Variants in PARVB observed in about 807,000 individuals in gnomAD.
The protein encoded by PARVB is parvin beta.
In PARVB, 46 loss-of-function variants were observed where a neutral mutation model predicts 47.0. The ratio of observed to expected loss-of-function variants is 0.98; its 90% CI spans 0.77 to 1.25. The LOEUF (loss-of-function observed/expected upper bound fraction) is 1.25, where lower values mean the gene tolerates loss of function less well. Ranked by LOEUF, PARVB falls within the 50% of genes most tolerant of loss-of-function variation. The pLI, the probability that PARVB is intolerant of heterozygous loss-of-function variation, is 0.00. For synonymous variants in PARVB, 196 were observed against 196.3 expected, an observed-to-expected ratio of 1.00 and a Z score of 0.01; for missense variants, 473 against 471.6, an observed-to-expected ratio of 1.00 and a Z score of -0.03.
chr22:44,081,241 C>G (rs890705435), intron 1 of PARVB, among the ~76,000 whole-genome samples: 2 of 152,150 alleles, frequency 1.3e-5, no homozygotes, highest in Admixed American at 1.3e-4. Context: ...GCACCAGAGG[C>G]CAATGGCTTC....
intron 1 of PARVB, among the ~76,000 whole-genome samples, chr22:44,044,699 G>A (rs1249027949): frequency 6.6e-6 from 1 of 151,258 alleles, no homozygotes; most frequent in African/African-American, 2.4e-5. Flanking sequence ...TTGGCCAGGT[G>A]GGTCTCAAAC....
intron 3 of PARVB, among the ~76,000 whole-genome samples, chr22:44,102,563 C>T (rs149944191): frequency 6.2e-4 from 94 of 152,142 alleles, no homozygotes; most frequent in Middle Eastern, 3.4e-3. Context: ...AGGGGCTGGG[C>T]GCCATGGCTC....
At chr22:44,106,586 C>T (rs1206278974) in intron 3 of PARVB, 1 of 152,090 alleles carries the variant, frequency 6.6e-6, no homozygotes, top group Non-Finnish European at 1.5e-5. Flanking sequence ...TGCTTGTAGC[C>T]ACATTGCAGT....
intron 3 of PARVB, among the ~76,000 whole-genome samples, chr22:44,117,661 C>T (rs923250593): frequency 3.9e-5 from 6 of 152,148 alleles, no homozygotes; most frequent in Admixed American, 1.3e-4. Flanking sequence ...TTTTATGTTA[C>T]TGGGAAAATA....
At chr22:44,167,712 C>T (rs1380031022) in intron 12 of PARVB, among the ~76,000 whole-genome samples, 2 of 59,238 alleles carry the variant, frequency 3.4e-5, no homozygotes, top group Non-Finnish European at 8.1e-5. Context: ...TCCCCAAGCC[C>T]GCCGAGCCGA....
chr22:44,137,541 C>T (rs1469333476), intron 7 of PARVB, among the ~76,000 whole-genome samples: 1 of 152,206 alleles, frequency 6.6e-6, no homozygotes, highest in Non-Finnish European at 1.5e-5. Context: ...AAAACAACAT[C>T]TGTTTCATTT....
chr22:44,016,520 C>T (rs1049146141), intron 2 of PARVB, among the ~76,000 whole-genome samples: 1 of 152,174 alleles, frequency 6.6e-6, no homozygotes, highest in African/African-American at 2.4e-5. Context: ...GAGGCCACTT[C>T]AATAACACAT....
intron 3 of PARVB, among the ~76,000 whole-genome samples, chr22:44,117,789 A>G (rs2052943529): frequency 6.6e-6 from 1 of 151,476 alleles, no homozygotes. Flanking sequence ...GAGAGGGGCC[A>G]TAAACTCCCA....
Position 44,036,114 on chromosome 22 carries a change from A to G in PARVB, c.112+11663A>G, listed in dbSNP as rs1601508342. On this transcript the variant is annotated intron_variant, in intron 1 of 12. Coordinates refer to ENST00000338758, the MANE Select transcript of PARVB (RefSeq NM_013327.5). ...TCTACTAAAAAGATAAAAATTAACC[A>G]GGCGTGGTGGTGGGCACCTGTAATC... 4.6e-5 allele frequency among the ~76,000 whole-genome samples: 7 copies of G among 152,280 alleles called. 1 individual carries two copies. Among genetic ancestry groups the G allele is most frequent in the Admixed American group, 4.6e-4 (7 of 15,296 alleles).
intron 2 of PARVB, among the ~76,000 whole-genome samples, chr22:44,013,929 G>A (rs903099179): frequency 1.3e-5 from 2 of 152,288 alleles, no homozygotes; most frequent in African/African-American, 4.8e-5. Context: ...CACCATGCCT[G>A]GCTCGGTGTA....
At chr22:44,131,173 C>G (rs899977984) in intron 4 of PARVB, among the ~76,000 whole-genome samples, 1 of 150,526 alleles carries the variant, frequency 6.6e-6, no homozygotes, top group Non-Finnish European at 1.5e-5. Context: ...CAGGGTCTCA[C>G]TCAGGTTGCC....
chr22:44,165,277 T>C (rs2054142400), intron 12 of PARVB, among the ~76,000 whole-genome samples: 1 of 152,206 alleles, frequency 6.6e-6, no homozygotes, highest in African/African-American at 2.4e-5. Flanking sequence ...CCTGGCCTTG[T>C]TTATTTTTTA....
chr22:44,101,436 T>A lies in PARVB; in HGVS notation c.273+1313T>A, dbSNP rs533695109. Among the ~76,000 whole-genome samples the A allele has an allele frequency of 3.6e-3, 531 of 147,430 alleles. 1 individual carries two copies. The highest frequency in any genetic ancestry group is 0.012 in the African/African-American group (482 of 38,742). On this transcript the variant is annotated intron_variant, in intron 3 of 12. Coordinates refer to ENST00000338758, the MANE Select transcript of PARVB (RefSeq NM_013327.5). ...AAAAAATAAAAAATAAAAAATAAAA[T>A]ATAAAATAAAATAAAATAAAATCTA...
intron 1 of PARVB, among the ~76,000 whole-genome samples, chr22:44,066,835 C>CCTCCTCT (rs2051546297): frequency 7.0e-6 from 1 of 143,808 alleles, no homozygotes; most frequent in African/African-American, 2.6e-5. Flanking sequence ...CCTCCTCCAT[C>CCTCCTCT]TCCTCCTCTC....
At chr22:44,047,833 G>A (rs2146931848) in intron 1 of PARVB, among the ~76,000 whole-genome samples, 1 of 152,262 alleles carries the variant, frequency 6.6e-6, no homozygotes, top group South Asian at 2.1e-4. Context: ...TTTGACGTTG[G>A]TGTAATCTAC....
At chr22:44,083,736 G>T (rs550293069) in intron 1 of PARVB, among the ~76,000 whole-genome samples, 2 of 152,082 alleles carry the variant, frequency 1.3e-5, no homozygotes, top group South Asian at 4.2e-4. Context: ...GAGAGGAGGG[G>T]TCTGCTCATT....
chr22:44,074,117 G>A (rs1440741698), intron 1 of PARVB, among the ~76,000 whole-genome samples: 1 of 152,220 alleles, frequency 6.6e-6, no homozygotes, highest in African/African-American at 2.4e-5. Context: ...GCAGGAGCCA[G>A]GGGTGTGTGA....
intron 1 of PARVB, among the ~76,000 whole-genome samples, chr22:44,043,560 G>A (rs1028369413): frequency 9.2e-5 from 14 of 152,090 alleles, no homozygotes; most frequent in East Asian, 1.9e-4. Flanking sequence ...TGTATTTTTC[G>A]TAGAGACAGG....
At chr22:44,059,951 A>C (rs1443084051) in intron 1 of PARVB, among the ~76,000 whole-genome samples, 1 of 152,178 alleles carries the variant, frequency 6.6e-6, no homozygotes, top group South Asian at 2.1e-4. Context: ...ATCGGGAGAA[A>C]TGTTCTTTCC....
Sources: gnomAD v4.1 joint callset for allele counts (sites outside exome capture counted in the v4.1 genomes callset) on GRCh38, gnomAD v4.1.1 for gene constraint, MANE v1.5 for transcripts, NCBI Gene and HGNC (gene_info 2026-07-23, HGNC 2026-07-21) for gene names.